Variants in ENOX1 observed in about 807,000 individuals in gnomAD.
ENOX1 encodes the protein candidate growth-related and time keeping constitutive hydroquinone (NADH) oxidase.
In ENOX1, 42 loss-of-function variants were observed where a neutral mutation model predicts 82.5. The ratio of observed to expected loss-of-function variants is 0.51; its 90% CI spans 0.40 to 0.66. The LOEUF (loss-of-function observed/expected upper bound fraction) is 0.66. Ranked by LOEUF, ENOX1 falls within the 30% of genes least tolerant of loss-of-function variation. The pLI is 0.00. For synonymous variants in ENOX1, 271 were observed against 282.2 expected, an observed-to-expected ratio of 0.96 and a Z score of 0.40; for missense variants, 608 against 811.6, an observed-to-expected ratio of 0.75 and a Z score of 3.05.
chr13:43,718,676 C>CAAAAAAAAAAAAA (rs61671392), intron 1 of ENOX1, among the ~76,000 whole-genome samples: 13 of 55,590 alleles, frequency 2.3e-4, no homozygotes, highest in African/African-American at 3.9e-4. Flanking sequence ...GACTCCGTCT[C>CAAAAAAAAAAAAA]AAAAAAAAAA....
chr13:43,281,210 TAGC>T (rs35709284), intron 12 of ENOX1, among the ~76,000 whole-genome samples: 2 of 151,838 alleles, frequency 1.3e-5, no homozygotes, highest in African/African-American at 2.4e-5. Flanking sequence ...ATAATAATAA[TAGC>T]AGCAGCAGCA....
At chr13:43,241,882 C>G (rs1482927259) in intron 14 of ENOX1, among the ~76,000 whole-genome samples, 1 of 152,126 alleles carries the variant, frequency 6.6e-6, no homozygotes, top group African/African-American at 2.4e-5. Flanking sequence ...GCTTATTGAG[C>G]TAGAATCATG....
chr13:43,445,022 G>A (rs1254165543), intron 3 of ENOX1, among the ~76,000 whole-genome samples: 1 of 152,198 alleles, frequency 6.6e-6, no homozygotes, highest in South Asian at 2.1e-4. Context: ...AGAATGAGAA[G>A]CAAGGACTGG....
chr13:43,482,767 G>T (rs1028904526), intron 3 of ENOX1, among the ~76,000 whole-genome samples: 1 of 152,150 alleles, frequency 6.6e-6, no homozygotes, highest in East Asian at 1.9e-4. Flanking sequence ...GTAGACTAGG[G>T]AGGAGCATTT....
chr13:43,702,953 CAAAAAAAAAAAAAAAA>C (rs60810191), intron 1 of ENOX1, among the ~76,000 whole-genome samples: 7 of 51,010 alleles, frequency 1.4e-4, no homozygotes, highest in African/African-American at 4.9e-4. Flanking sequence ...GACTCTGTCT[CAAAAAAAAAAAAAAAA>C]AAAAAAAAAA....
intron 2 of ENOX1, among the ~76,000 whole-genome samples, chr13:43,598,070 C>T (rs565593051): frequency 2.0e-4 from 30 of 152,256 alleles, no homozygotes; most frequent in African/African-American, 7.2e-4. Flanking sequence ...TGAAATTGTT[C>T]ACTGGCTGCC....
chr13:43,467,564 T>C (rs1345210298), intron 3 of ENOX1, among the ~76,000 whole-genome samples: 1 of 150,870 alleles, frequency 6.6e-6, no homozygotes, highest in Non-Finnish European at 1.5e-5. Context: ...GTATACTCTT[T>C]ATCAAATATA....
rs527399953 is a variant in ENOX1, at chr13:43,569,660, G to A, written c.-218-85508C>T. 9.7e-3 allele frequency among the ~76,000 whole-genome samples: 179 copies of A among 18,414 alleles called. 1 individual carries two copies. Among genetic ancestry groups the A allele is most frequent in the Admixed American group, 0.023 (24 of 1,054 alleles). The allele number at this position is 18,414 out of a possible 152,430, so 12.1% of individuals were successfully genotyped here. Reference sequence around the variant, plus strand: ...TAGAATATAAAGGGCAAGCTCCTTAGTGGTTTAAAAAAAAAACTGTATTTC... The same window carrying A: ...TAGAATATAAAGGGCAAGCTCCTTAATGGTTTAAAAAAAAAACTGTATTTC... On this transcript the variant is annotated intron_variant, in intron 2 of 16. Coordinates refer to ENST00000690772, the MANE Select transcript of ENOX1 (RefSeq NM_001347969.2).
rs147275091 is a variant in ENOX1, at chr13:43,361,463, T to C, written c.209-11A>G. 877 of 1,591,856 alleles carry C rather than the reference T, an allele frequency of 5.5e-4. 6 individuals are homozygous for C. The African/African-American group carries it at 0.01, about 18-fold the overall frequency. ...GGACACAGATTGAGTCTGTAAAGTATACAAGATAACATTTTGACTGGAGAT... is the reference window on the plus strand; with the variant it reads ...GGACACAGATTGAGTCTGTAAAGTACACAAGATAACATTTTGACTGGAGAT... On this transcript the variant is annotated splice_polypyrimidine_tract_variant and intron_variant, in intron 5 of 16. Transcript: ENST00000690772.
intron 2 of ENOX1, among the ~76,000 whole-genome samples, chr13:43,616,169 T>TATAG (rs1566641800): frequency 0.015 from 114 of 7,752 alleles, 12 homozygotes; most frequent in East Asian, 0.062. Flanking sequence ...TATCTATCTA[T>TATAG]CTATCTATCT....
intron 12 of ENOX1, among the ~76,000 whole-genome samples, chr13:43,275,887 T>A (rs1323577285): frequency 6.6e-6 from 1 of 152,162 alleles, no homozygotes; most frequent in African/African-American, 2.4e-5. Context: ...ATGGTTTCCA[T>A]AGGAATCCAG....
At chr13:43,527,430 C>G (rs1004170091) in intron 2 of ENOX1, among the ~76,000 whole-genome samples, 2 of 152,056 alleles carry the variant, frequency 1.3e-5, no homozygotes, top group African/African-American at 4.8e-5. Context: ...TTGCCCAACC[C>G]AAGTTACAGA....
At chr13:43,377,217 T>C (rs995228020) in intron 5 of ENOX1, among the ~76,000 whole-genome samples, 27 of 152,172 alleles carry the variant, frequency 1.8e-4, no homozygotes, top group African/African-American at 6.0e-4. Flanking sequence ...TTAGTTATTG[T>C]GAGAGCGGGC....
At chr13:43,300,643 C>T (rs1382248962) in intron 11 of ENOX1, among the ~76,000 whole-genome samples, 2 of 152,256 alleles carry the variant, frequency 1.3e-5, no homozygotes, top group Admixed American at 6.5e-5. Context: ...AGGGAATCCA[C>T]GTCAGGTGAT....
chr13:43,722,866 G>C (rs2088673711), intron 1 of ENOX1, among the ~76,000 whole-genome samples: 1 of 152,142 alleles, frequency 6.6e-6, no homozygotes, highest in Non-Finnish European at 1.5e-5. Flanking sequence ...ATTTGTTAAA[G>C]ACTCCCAAAA....
chr13:43,666,184 C>G (rs1393956101), intron 2 of ENOX1, among the ~76,000 whole-genome samples: 2 of 151,972 alleles, frequency 1.3e-5, no homozygotes, highest in Admixed American at 6.6e-5. Flanking sequence ...GATAGACTTG[C>G]TGGATGCAGG....
At chr13:43,475,212 A>G (rs1053903985) in intron 3 of ENOX1, among the ~76,000 whole-genome samples, 1 of 152,186 alleles carries the variant, frequency 6.6e-6, no homozygotes, top group Non-Finnish European at 1.5e-5. Context: ...TGGGGATATC[A>G]GTACCACTAC....
At chr13:43,235,461 G>A (rs542822108) in intron 15 of ENOX1, among the ~76,000 whole-genome samples, 24 of 152,242 alleles carry the variant, frequency 1.6e-4, no homozygotes, top group African/African-American at 5.5e-4. Context: ...GACCAGGCGC[G>A]GTGGCTCATG....
intron 1 of ENOX1, among the ~76,000 whole-genome samples, chr13:43,777,983 C>A (rs1450153943): frequency 6.6e-6 from 1 of 152,220 alleles, no homozygotes. Context: ...CTACTGTCAG[C>A]ACTCTTTTGT....
Sources: gnomAD v4.1 joint callset for allele counts (sites outside exome capture counted in the v4.1 genomes callset) on GRCh38, gnomAD v4.1.1 for gene constraint, MANE v1.5 for transcripts, NCBI Gene and HGNC (gene_info 2026-07-23, HGNC 2026-07-21) for gene names.